PORCN: variants seen among roughly 807,000 people sequenced by gnomAD.
PORCN encodes porcupine O-acyltransferase, also known as protein-serine O-palmitoleoyltransferase porcupine.
Under a neutral mutation model 43.0 loss-of-function variants are expected in PORCN, and 1 was observed. The ratio of observed to expected loss-of-function variants is 0.02; its 90% CI spans 0.01 to 0.11. The LOEUF (loss-of-function observed/expected upper bound fraction) is 0.11, where lower values mean the gene tolerates loss of function less well. Among genes scored for constraint, PORCN ranks in the 10% least tolerant of loss-of-function variants. PORCN has a pLI of 1.00. For missense variants in PORCN, 240 were observed against 392.1 expected (o/e 0.61, Z 3.28); for synonymous variants, 148 against 166.4 (o/e 0.89, Z 0.85).
chrX:48,519,246 CG>C (rs1254990947), intron 14 of PORCN, among the ~76,000 whole-genome samples: 2 of 111,267 alleles, frequency 1.8e-5, no homozygotes, highest in Non-Finnish European at 3.8e-5. Context: ...CGTGAGCCAC[CG>C]CACTGAGCCC....
intron 10 of PORCN, 80 bp from the exon 11 acceptor site, chrX:48,515,637 A>G: frequency 2.5e-6 from 2 of 810,584 alleles, no homozygotes; most frequent in East Asian, 3.1e-5. Flanking sequence ...GGTTGTGGGT[A>G]TTCTCATCCT....
intron 2 of PORCN, among the ~76,000 whole-genome samples, chrX:48,510,197 C>T (rs2061664186): frequency 9.0e-6 from 1 of 111,346 alleles, no homozygotes; most frequent in African/African-American, 3.3e-5. Flanking sequence ...CCATGCCAAG[C>T]CATGCCCTTC....
chrX:48,514,609 T>G lies in PORCN; in HGVS notation c.930T>G (p.Ser310=), dbSNP rs186892397. 317 of 1,206,072 alleles carry G rather than the reference T, an allele frequency of 2.6e-4. 2 individuals carry two copies. In the East Asian group the frequency reaches 7.1e-3, roughly 27 times the overall value. Residue 310 remains serine, a synonymous_variant, in exon 10 of 15, where the codon TCT becomes TCG. Transcript: ENST00000326194. ...EVVTSWNLPM[S]YWLNNYVFKN... ...TCACAAGCTGGAACCTGCCCATGTCTTATTGGCTAAATAACTGTGAGTCAC... is the reference window on the plus strand; with the variant it reads ...TCACAAGCTGGAACCTGCCCATGTCGTATTGGCTAAATAACTGTGAGTCAC...
chrX:48,514,077 A>G, intron 7 of PORCN, 50 bp from the exon 8 acceptor site: 1 of 1,192,055 alleles, frequency 8.4e-7, no homozygotes, highest in Non-Finnish European at 1.1e-6. Flanking sequence ...GGCCTCTCTG[A>G]CTCTCTTTTC....
In PORCN at chrX:48,511,447, G is replaced by A. The variant is rs782167731; in HGVS notation, c.289G>A (p.Val97Ile). Residue 97 changes from valine to isoleucine, a missense_variant, in exon 3 of 15, where the codon GTC becomes ATC. Transcript: ENST00000326194. Reference sequence around the variant, plus strand: ...CTGCCGACATTCCTCCCATCGAGGCGTCTTCCTATCCGTCACCATCCTCAT... The same window carrying A: ...CTGCCGACATTCCTCCCATCGAGGCATCTTCCTATCCGTCACCATCCTCAT... Reference protein sequence around the residue: ...FLCRHSSHRGVFLSVTILIYL... With the variant: ...FLCRHSSHRGIFLSVTILIYL... 27 of 1,209,084 alleles carry A rather than the reference G, an allele frequency of 2.2e-5. No homozygotes were observed. The highest frequency in any genetic ancestry group is 4.6e-4 in the Middle Eastern group (2 of 4,375).
At chrX:48,511,269 CCTTT>C (rs1556973818) in intron 2 of PORCN, 22 bp from the exon 3 acceptor site, 8 of 1,169,535 alleles carry the variant, frequency 6.8e-6, no homozygotes, top group Non-Finnish European at 8.1e-6. Context: ...TCTCTCTCTC[CCTTT>C]CTTTCTCCCT....
intron 3 of PORCN, 87 bp downstream of exon 3, chrX:48,511,574 G>A: frequency 1.2e-6 from 1 of 846,133 alleles, no homozygotes; most frequent in Non-Finnish European, 1.8e-6. Flanking sequence ...CCAAGACAGG[G>A]AGGGTGGTGA....
At chrX:48,511,210 C>A (rs2061672662) in intron 2 of PORCN, 85 bp from the exon 3 acceptor site, 2 of 512,413 alleles carry the variant, frequency 3.9e-6, no homozygotes, top group Admixed American at 5.0e-5. Context: ...CTCTCTCTCC[C>A]TCCCTCCCTC....
At position 48,511,398 on chromosome X, in the gene PORCN, C is replaced by T. The variant is rs782706054; in HGVS notation, c.240C>T (p.Leu80=). The part of the protein sequence containing the change: ...LHMVWVVLLS[L]LCYLVLFLCR... ...TGGTTTGGGTCGTGCTGCTCAGCCT[C>T]CTGTGCTACCTCGTGCTGTTCCTCT... Residue 80 remains leucine (L), a synonymous_variant, in exon 3 of 15, where the codon CTC becomes CTT. Transcript: ENST00000326194. 1.7e-6 allele frequency: 2 copies of T among 1,211,476 alleles called. No individual in the cohort carries two copies.
Position 48,515,895 on chromosome X carries a change from C to T in PORCN, c.1029C>T (p.Phe343=). 4 of 1,211,508 alleles carry T rather than the reference C, an allele frequency of 3.3e-6. No individual in the cohort carries two copies. Among genetic ancestry groups the T allele is most frequent in the Non-Finnish European group, 4.5e-6 (4 of 895,294 alleles). Reference sequence around the variant, plus strand: ...TGTCATCTGCATTCCCCCAGGGCTTCAGTTTCCACCTGGCTGCGGTCCTGC... The same window carrying T: ...TGTCATCTGCATTCCCCCAGGGCTTTAGTTTCCACCTGGCTGCGGTCCTGC... ...TYAASALLHG[F]SFHLAAVLLS... Residue 343 remains phenylalanine, a synonymous_variant, in exon 12 of 15, where the codon TTC becomes TTT. Transcript: ENST00000326194.
At position 48,514,318 on chromosome X, in the gene PORCN, C is replaced by G. The variant is rs1340643232; in HGVS notation, c.798C>G (p.Ala266=). 1 of 1,210,464 alleles carries G rather than the reference C, an allele frequency of 8.3e-7. No homozygotes were observed. Among genetic ancestry groups the G allele is most frequent in the African/African-American group, 1.7e-5 (1 of 57,315 alleles). Residue 266 remains alanine (A), a synonymous_variant, in exon 9 of 15, where the codon GCC becomes GCG. Coordinates refer to ENST00000326194, the MANE Select transcript of PORCN (RefSeq NM_203475.3). ...TGGGCTTTCTTTCCGAGGCCACGGCCACGTTGGCGGGGGCTGGCTTTACCG... is the reference window on the plus strand; with the variant it reads ...TGGGCTTTCTTTCCGAGGCCACGGCGACGTTGGCGGGGGCTGGCTTTACCG... ...YFVGFLSEAT[A]TLAGAGFTEE... is the part of the protein sequence containing the mutation.
chrX:48,512,733 T>G lies in PORCN; in HGVS notation c.686+14T>G. The G allele has an allele frequency of 8.2e-7, 1 of 1,212,395 alleles. No individual in the cohort carries two copies. Among genetic ancestry groups the G allele is most frequent in the African/African-American group, 1.7e-5 (1 of 58,006 alleles). On this transcript the variant is annotated intron_variant, in intron 6 of 14. Transcript: ENST00000326194. Reference sequence around the variant, plus strand: ...CCTCCTTCGCAAGTGAGCACAGCCTTCGAGGCCCCTGCCCAGCAATGAGGG... The same window carrying G: ...CCTCCTTCGCAAGTGAGCACAGCCTGCGAGGCCCCTGCCCAGCAATGAGGG...
At chrX:48,519,183 C>G (rs2061740983) in intron 14 of PORCN, among the ~76,000 whole-genome samples, 1 of 111,332 alleles carries the variant, frequency 9.0e-6, no homozygotes, top group Admixed American at 9.6e-5. Context: ...TCTCAAACTC[C>G]TGACCTCAGG....
rs1556974621 is a variant in PORCN at position 48,514,160 on chromosome X, G to C, written c.719+19G>C. The C allele has an allele frequency of 8.3e-7, 1 of 1,211,929 alleles. No individual in the cohort carries two copies. Among genetic ancestry groups the C allele is most frequent in the Admixed American group, 2.2e-5 (1 of 46,108 alleles). On this transcript the variant is annotated intron_variant, in intron 8 of 14. Transcript: ENST00000326194. ...TGGTAAGGTGAGTCTACAGAGCGGGGCCCAGGATGCTGACATGTGGTGGGG... is the reference window on the plus strand; with the variant it reads ...TGGTAAGGTGAGTCTACAGAGCGGGCCCCAGGATGCTGACATGTGGTGGGG...
intron 6 of PORCN, 41 bp downstream of exon 6, chrX:48,512,760 G>A: frequency 8.2e-7 from 1 of 1,212,418 alleles, no homozygotes; most frequent in Non-Finnish European, 1.1e-6. Context: ...CAATGAGGGG[G>A]TTGGGTAGGG....
chrX:48,512,168 A>G (rs2061681222), intron 4 of PORCN, 158 bp from the exon 5 acceptor site: 2 of 599,538 alleles, frequency 3.3e-6, no homozygotes, highest in African/African-American at 2.2e-5. Context: ...AAGGGCATCT[A>G]TCTGTCCTGG....
intron 3 of PORCN, 60 bp downstream of exon 3, chrX:48,511,547 GC>G: frequency 9.6e-7 from 1 of 1,039,067 alleles, no homozygotes; most frequent in Non-Finnish European, 1.4e-6. Context: ...GGGTCCCCAG[GC>G]CCCATATGAA....
chrX:48,512,327 G>A lies in PORCN; in HGVS notation c.375G>A (p.Gly125=), dbSNP rs1364468471. Residue 125 remains glycine (G), a splice_region_variant and synonymous_variant, in exon 5 of 15, where the codon GGG becomes GGA. Coordinates refer to ENST00000326194, the MANE Select transcript of PORCN (RefSeq NM_203475.3). ...VDTVTWHKMR[G]AQMIVAMKAV... is the part of the protein sequence containing the mutation. ...CTTGACCATGGGCACCACACATAGGGGCACAGATGATTGTGGCCATGAAGG... is the reference window on the plus strand; with the variant it reads ...CTTGACCATGGGCACCACACATAGGAGCACAGATGATTGTGGCCATGAAGG... 6 of 1,209,695 alleles carry A rather than the reference G, an allele frequency of 5.0e-6. No homozygotes were observed. The East Asian group carries it at 1.8e-4, about 36-fold the overall frequency.
At chrX:48,515,977 C>T (rs1288273496) in intron 12 of PORCN, 24 bp downstream of exon 12, 9 of 1,206,394 alleles carry the variant, frequency 7.5e-6, no homozygotes, top group African/African-American at 3.5e-5. Flanking sequence ...CCAGCCCAGC[C>T]GTTGGATAGA....
Sources: gnomAD v4.1 joint callset for allele counts (sites outside exome capture counted in the v4.1 genomes callset) on GRCh38, gnomAD v4.1.1 for gene constraint, MANE v1.5 for transcripts, NCBI Gene and HGNC (gene_info 2026-07-23, HGNC 2026-07-21) for gene names.